Variants in ADAM10 observed in about 807,000 individuals in gnomAD.
The protein encoded by ADAM10 is disintegrin and metalloproteinase domain-containing protein 10.
A neutral mutation model predicts 90.1 loss-of-function variants in ADAM10; 17 were observed. The ratio of observed to expected loss-of-function variants is 0.19; its 90% confidence interval spans 0.13 to 0.28. ADAM10 has a LOEUF of 0.28. ADAM10 is among the 10% of genes least tolerant of loss of function. ADAM10 has a pLI of 1.00. For missense variants in ADAM10, 610 were observed against 914.3 expected, an observed-to-expected ratio of 0.67 and a Z score of 4.29; for synonymous variants, 310 against 298.6, an observed-to-expected ratio of 1.04 and a Z score of -0.40.
intron 8 of ADAM10, among the ~76,000 whole-genome samples, chr15:58,638,466 T>C (rs1346328814): frequency 7.9e-5 from 12 of 151,328 alleles, no homozygotes; most frequent in African/African-American, 2.7e-4. Context: ...ATATAAAAAA[T>C]TAGCCACGCA....
intron 2 of ADAM10, among the ~76,000 whole-genome samples, chr15:58,714,148 G>A (rs922137078): frequency 2.0e-5 from 3 of 152,010 alleles, no homozygotes; most frequent in South Asian, 2.1e-4. Context: ...AAATATAAAC[G>A]TTTCTTCATT....
intron 2 of ADAM10, among the ~76,000 whole-genome samples, chr15:58,711,192 C>G (rs1399206677): frequency 6.6e-6 from 1 of 152,114 alleles, no homozygotes; most frequent in African/African-American, 2.4e-5. Flanking sequence ...AATTATATTG[C>G]ACTTAAGGAA....
intron 2 of ADAM10, among the ~76,000 whole-genome samples, chr15:58,704,707 T>G (rs904554993): frequency 3.3e-5 from 5 of 152,224 alleles, no homozygotes; most frequent in Non-Finnish European, 4.4e-5. Flanking sequence ...ACATTCTTCT[T>G]AAATGTATAC....
chr15:58,633,497 AAAAGTTTCTTTGGT>A (rs1896158061), intron 8 of ADAM10, 138 bp from the exon 9 acceptor site: 1 of 750,172 alleles, frequency 1.3e-6, no homozygotes, highest in Admixed American at 2.8e-5. Context: ...TCACATATGC[AAAAGTTTCTTTGGT>A]CCAAGACTAA....
At chr15:58,743,585 T>G (rs1899683555) in intron 1 of ADAM10, among the ~76,000 whole-genome samples, 1 of 151,912 alleles carries the variant, frequency 6.6e-6, no homozygotes, top group Non-Finnish European at 1.5e-5. Flanking sequence ...TACCTTTCAC[T>G]GACTTTCCTT....
At chr15:58,678,552 A>C (rs1163870913) in intron 4 of ADAM10, among the ~76,000 whole-genome samples, 1 of 152,136 alleles carries the variant, frequency 6.6e-6, no homozygotes, top group Non-Finnish European at 1.5e-5. Context: ...CGGACAATAG[A>C]ATTAAAAGGT....
intron 2 of ADAM10, chr15:58,693,093 G>C (rs973278892): frequency 2.7e-6 from 2 of 745,690 alleles, no homozygotes; most frequent in Admixed American, 3.5e-5. Context: ...AAATCTCCTT[G>C]TTGGAATAGA....
At chr15:58,633,992 A>C (rs1190597353) in intron 8 of ADAM10, among the ~76,000 whole-genome samples, 1 of 152,072 alleles carries the variant, frequency 6.6e-6, no homozygotes, top group East Asian at 1.9e-4. Flanking sequence ...ATGCGACAAA[A>C]GGTTAATAAT....
At chr15:58,615,227 T>C (rs113684671) in intron 11 of ADAM10, among the ~76,000 whole-genome samples, 1,905 of 143,476 alleles carry the variant, frequency 0.013, 53 homozygotes, top group African/African-American at 0.047. Flanking sequence ...TGAGCCAAGA[T>C]TGCACCACTG....
At chr15:58,689,578 A>G (rs1179244832) in intron 2 of ADAM10, among the ~76,000 whole-genome samples, 1 of 152,224 alleles carries the variant, frequency 6.6e-6, no homozygotes, top group Non-Finnish European at 1.5e-5. Context: ...CAAATTCTAC[A>G]GCCAATAAAA....
intron 8 of ADAM10, among the ~76,000 whole-genome samples, chr15:58,638,630 A>G (rs983066725): frequency 4.7e-4 from 71 of 151,122 alleles, no homozygotes; most frequent in Middle Eastern, 3.4e-3. Flanking sequence ...AAAAAAAAAA[A>G]AAAAAGAAAA....
intron 2 of ADAM10, among the ~76,000 whole-genome samples, chr15:58,690,782 T>C (rs1485080641): frequency 1.3e-5 from 2 of 152,220 alleles, no homozygotes; most frequent in Admixed American, 6.5e-5. Flanking sequence ...ACACATCACA[T>C]CAGGAACAGC....
At position 58,610,479 on chromosome 15, in the gene ADAM10, A is replaced by C; in HGVS notation, c.1843T>G (p.Trp615Gly). ...GTTCGACCACTGAAGTGCCTACTCC[A>C]CTGCACAGACCCTGTACTGGCACAA... is the stretch of plus-strand genomic sequence containing the variant. ...STCASTGSVQ[W>G]SRHFSGRTIT... Residue 615 changes from tryptophan to glycine, a missense_variant, in exon 14 of 16, where the codon TGG becomes GGG. Coordinates refer to ENST00000260408, the MANE Select transcript of ADAM10 (RefSeq NM_001110.4). 1.9e-6 allele frequency: 3 copies of C among 1,614,162 alleles called. No homozygotes were observed. Among genetic ancestry groups the C allele is most frequent in the Non-Finnish European group, 2.5e-6 (3 of 1,180,012 alleles).
chr15:58,614,173 T>C (rs926465373), intron 11 of ADAM10, among the ~76,000 whole-genome samples: 1 of 152,012 alleles, frequency 6.6e-6, no homozygotes, highest in Admixed American at 6.6e-5. Context: ...TAATACCAGC[T>C]ACTCAGGAGG....
At chr15:58,655,725 A>T (rs1425447018) in intron 5 of ADAM10, among the ~76,000 whole-genome samples, 22 of 97,254 alleles carry the variant, frequency 2.3e-4, no homozygotes, top group African/African-American at 8.2e-4. Flanking sequence ...ATATATATAT[A>T]TATATATATA....
At chr15:58,689,707 A>C (rs1028414338) in intron 2 of ADAM10, among the ~76,000 whole-genome samples, 69 of 152,260 alleles carry the variant, frequency 4.5e-4, no homozygotes, top group African/African-American at 1.6e-3. Context: ...TCAATTACTT[A>C]GATAAAATAA....
chr15:58,727,961 C>T (rs564353214), intron 1 of ADAM10, among the ~76,000 whole-genome samples: 1 of 152,176 alleles, frequency 6.6e-6, no homozygotes, highest in South Asian at 2.1e-4. Context: ...CATACCACTC[C>T]TTTCTGAACA....
chr15:58,710,378 CAAT>C (rs1898436864), intron 2 of ADAM10, among the ~76,000 whole-genome samples: 1 of 152,178 alleles, frequency 6.6e-6, no homozygotes, highest in Non-Finnish European at 1.5e-5. Context: ...CTTTTGTCAG[CAAT>C]ATTAGTTACT....
At chr15:58,633,728 A>G (rs1447183707) in intron 8 of ADAM10, among the ~76,000 whole-genome samples, 1 of 152,200 alleles carries the variant, frequency 6.6e-6, no homozygotes, top group Non-Finnish European at 1.5e-5. Context: ...TCATCTTTTA[A>G]AAAGAAATCT....
Sources: gnomAD v4.1 joint callset for allele counts (sites outside exome capture counted in the v4.1 genomes callset) on GRCh38, gnomAD v4.1.1 for gene constraint, MANE v1.5 for transcripts, NCBI Gene and HGNC (gene_info 2026-07-23, HGNC 2026-07-21) for gene names.